The following CBFA2T2 variants were observed in gnomAD, a reference collection of about 807,000 sequenced individuals.
CBFA2T2 encodes protein CBFA2T2.
A neutral mutation model predicts 62.2 loss-of-function variants in CBFA2T2; 11 were observed. The observed-to-expected ratio is 0.18, with a 90% CI of 0.11 to 0.29. CBFA2T2 has a LOEUF of 0.29. Ranked by LOEUF, CBFA2T2 falls within the 10% of genes least tolerant of loss-of-function variation. The pLI, the probability that CBFA2T2 is intolerant of heterozygous loss-of-function variation, is 1.00. For missense variants in CBFA2T2, 592 were observed against 774.1 expected (o/e 0.76, Z 2.79); for synonymous variants, 295 against 287.5 (o/e 1.03, Z -0.27).
At chr20:33,623,550 G>T (rs572820938) in intron 5 of CBFA2T2, among the ~76,000 whole-genome samples, 16 of 150,068 alleles carry the variant, frequency 1.1e-4, no homozygotes, top group Non-Finnish European at 1.8e-4. Flanking sequence ...GTGCCACCAT[G>T]ACCAGCTAAT....
intron 1 of CBFA2T2, among the ~76,000 whole-genome samples, chr20:33,596,166 A>C (rs1254262995): frequency 6.6e-6 from 1 of 152,300 alleles, no homozygotes; most frequent in East Asian, 1.9e-4. Context: ...AGATGGTCTT[A>C]AATTGAGGGA....
At chr20:33,509,217 A>T (rs1191130121) in intron 1 of CBFA2T2, among the ~76,000 whole-genome samples, 2 of 151,642 alleles carry the variant, frequency 1.3e-5, no homozygotes, top group Non-Finnish European at 2.9e-5. Flanking sequence ...AATTACAAAA[A>T]TTATCTGGGT....
intron 1 of CBFA2T2, among the ~76,000 whole-genome samples, chr20:33,587,359 T>G (rs531135806): frequency 6.6e-6 from 1 of 152,004 alleles, no homozygotes; most frequent in African/African-American, 2.4e-5. Context: ...CTGTGCCTCC[T>G]GGGTTCAAGT....
chr20:33,556,637 G>A (rs1206221684), intron 1 of CBFA2T2, among the ~76,000 whole-genome samples: 1 of 151,862 alleles, frequency 6.6e-6, no homozygotes, highest in Non-Finnish European at 1.5e-5. Context: ...GTCTCACTAT[G>A]TTGCCCAAGC....
At chr20:33,543,313 AATT>A (rs1351825168) in intron 1 of CBFA2T2, among the ~76,000 whole-genome samples, 2 of 152,262 alleles carry the variant, frequency 1.3e-5, no homozygotes, top group Admixed American at 6.5e-5. Flanking sequence ...CCCGGCGAAA[AATT>A]ATTATTTTAT....
intron 1 of CBFA2T2, among the ~76,000 whole-genome samples, chr20:33,524,922 C>T (rs1046657663): frequency 6.6e-6 from 1 of 152,160 alleles, no homozygotes; most frequent in Non-Finnish European, 1.5e-5. Context: ...GCAACCCTTG[C>T]CTCCCGGGTT....
chr20:33,613,839 T>C (rs1379495065), intron 3 of CBFA2T2, among the ~76,000 whole-genome samples: 2 of 152,156 alleles, frequency 1.3e-5, no homozygotes, highest in East Asian at 1.9e-4. Context: ...TTGAACATAA[T>C]TGGAAACAAA....
rs2015584676 is a variant in CBFA2T2 at position 33,613,047 on chromosome 20, T to C, written c.420+1712T>C. On this transcript the variant is annotated intron_variant, in intron 3 of 10. Transcript: ENST00000342704. ...TGTTTGCACCACTGCACTTCCAGCC[T>C]AGGTGACAGAGTGAGACCCTATCTC... Among the ~76,000 whole-genome samples the C allele has an allele frequency of 2.0e-5, 3 of 152,332 alleles. No homozygotes were observed. The South Asian group carries it at 6.2e-4, about 32-fold the overall frequency.
intron 9 of CBFA2T2, among the ~76,000 whole-genome samples, chr20:33,640,081 A>G (rs1485595761): frequency 2.0e-5 from 3 of 152,198 alleles, no homozygotes; most frequent in Admixed American, 6.5e-5. Context: ...AAACACTTTC[A>G]TACTTGGTCA....
At chr20:33,587,349 C>G (rs1357249572) in intron 1 of CBFA2T2, among the ~76,000 whole-genome samples, 1 of 152,200 alleles carries the variant, frequency 6.6e-6, no homozygotes, top group Admixed American at 6.5e-5. Context: ...TCACTGCAAC[C>G]TGTGCCTCCT....
chr20:33,631,110 C>T (rs999126647), intron 8 of CBFA2T2, among the ~76,000 whole-genome samples: 2 of 151,998 alleles, frequency 1.3e-5, no homozygotes, highest in Non-Finnish European at 2.9e-5. Context: ...GTCAGGAGAT[C>T]GAGACCATCC....
At chr20:33,617,590 T>A (rs1235155572) in intron 3 of CBFA2T2, among the ~76,000 whole-genome samples, 1 of 152,208 alleles carries the variant, frequency 6.6e-6, no homozygotes, top group Non-Finnish European at 1.5e-5. Context: ...AGCCCTTCCA[T>A]ACATTTAATC....
chr20:33,508,947 T>A (rs967588421), intron 1 of CBFA2T2, among the ~76,000 whole-genome samples: 1 of 152,238 alleles, frequency 6.6e-6, no homozygotes, highest in Non-Finnish European at 1.5e-5. Flanking sequence ...CAAACTTACT[T>A]GTTTTAAAGA....
At chr20:33,571,177 G>T (rs1018160604) in intron 1 of CBFA2T2, among the ~76,000 whole-genome samples, 8 of 152,166 alleles carry the variant, frequency 5.3e-5, no homozygotes, top group Non-Finnish European at 8.8e-5. Flanking sequence ...TCTGGAGGGG[G>T]GACAGAGAAT....
intron 1 of CBFA2T2, among the ~76,000 whole-genome samples, chr20:33,496,894 T>A (rs2011205514): frequency 6.6e-6 from 1 of 152,128 alleles, no homozygotes; most frequent in Non-Finnish European, 1.5e-5. Context: ...CCTTTGAGGT[T>A]ATGAAATTTA....
intron 5 of CBFA2T2, chr20:33,624,000 T>C (rs2016112451): frequency 1.8e-6 from 1 of 557,280 alleles, no homozygotes; most frequent in Admixed American, 3.6e-5. Flanking sequence ...AAAAAAGAAA[T>C]ACAATCTGCC....
At chr20:33,623,885 G>T (rs911919659) in intron 5 of CBFA2T2, 5 of 716,252 alleles carry the variant, frequency 7.0e-6, no homozygotes, top group Admixed American at 6.0e-5. Context: ...GAATTTATGG[G>T]TCGACTGTTC....
intron 6 of CBFA2T2, among the ~76,000 whole-genome samples, chr20:33,627,701 C>T (rs1389797498): frequency 6.6e-6 from 1 of 152,150 alleles, no homozygotes; most frequent in Non-Finnish European, 1.5e-5. Flanking sequence ...CTGAAATAAA[C>T]AGATTATCAC....
chr20:33,580,232 T>C (rs1188211558), intron 1 of CBFA2T2, among the ~76,000 whole-genome samples: 1 of 152,228 alleles, frequency 6.6e-6, no homozygotes, highest in African/African-American at 2.4e-5. Context: ...CCTAACTGTA[T>C]TTTAACGTTG....
Sources: gnomAD v4.1 joint callset for allele counts (sites outside exome capture counted in the v4.1 genomes callset) on GRCh38, gnomAD v4.1.1 for gene constraint, MANE v1.5 for transcripts, NCBI Gene and HGNC (gene_info 2026-07-23, HGNC 2026-07-21) for gene names.